NOS1AP: variants seen among roughly 807,000 people sequenced by gnomAD.
The protein encoded by NOS1AP is nitric oxide synthase 1 adaptor protein.
Under a neutral mutation model 56.2 loss-of-function variants are expected in NOS1AP, and 21 were observed. The observed-to-expected ratio is 0.37, with a 90% confidence interval of 0.26 to 0.54. The LOEUF is 0.54. NOS1AP is among the 20% of genes least tolerant of loss of function. NOS1AP has a pLI of 0.84. For synonymous variants in NOS1AP, 270 were observed against 274.6 expected, an observed-to-expected ratio of 0.98 and a Z score of 0.17; for missense variants, 522 against 657.8, an observed-to-expected ratio of 0.79 and a Z score of 2.26.
At position 162,364,168 on chromosome 1, in the gene NOS1AP, G is replaced by T. The variant is rs147669032; in HGVS notation, c.940-1236G>T. The stretch of plus-strand genomic sequence containing the variant: ...AGAAATTTGAGCACTTGTTTTCTGA[G>T]CAAGGGAATCAGCTAATGCTTTTGA... On this transcript the variant is annotated intron_variant, in intron 8 of 9. Coordinates refer to ENST00000361897, the MANE Select transcript of NOS1AP (RefSeq NM_014697.3). The T allele has an allele frequency of 8.1e-6, 8 of 985,460 alleles. No homozygotes were observed. In the East Asian group the frequency reaches 9.1e-4, roughly 112 times the overall value. 61.0% of individuals were successfully genotyped at this position (985,460 alleles called of 1,614,324 possible). A position where few individuals can be genotyped will look rare whatever the true frequency, so the allele number is the denominator to read the frequency against.
intron 2 of NOS1AP, among the ~76,000 whole-genome samples, chr1:162,235,389 T>C (rs905958663): frequency 6.6e-6 from 1 of 152,220 alleles, no homozygotes; most frequent in African/African-American, 2.4e-5. Flanking sequence ...GGCGCTGGTA[T>C]TGGCTCTTGG....
chr1:162,126,075 C>T (rs2102057764), intron 1 of NOS1AP, among the ~76,000 whole-genome samples: 1 of 152,168 alleles, frequency 6.6e-6, no homozygotes, highest in East Asian at 1.9e-4. Flanking sequence ...ATTTGATTCT[C>T]AGCTTGGCAG....
intron 2 of NOS1AP, among the ~76,000 whole-genome samples, chr1:162,192,965 T>C (rs1651691125): frequency 6.6e-6 from 1 of 152,128 alleles, no homozygotes; most frequent in South Asian, 2.1e-4. Context: ...CAGGCCACTT[T>C]GACCCCTGGT....
chr1:162,240,754 A>G (rs1653465720), intron 2 of NOS1AP, among the ~76,000 whole-genome samples: 1 of 152,252 alleles, frequency 6.6e-6, no homozygotes, highest in Non-Finnish European at 1.5e-5. Context: ...CCATTCATGT[A>G]TTCAACAAAT....
intron 1 of NOS1AP, among the ~76,000 whole-genome samples, chr1:162,140,927 G>A (rs1340343524): frequency 1.6e-4 from 24 of 152,116 alleles, no homozygotes; most frequent in Admixed American, 1.4e-3. Context: ...TTGGCCTTGT[G>A]TATGTCTTCT....
intron 2 of NOS1AP, among the ~76,000 whole-genome samples, chr1:162,228,135 A>G (rs1653002509): frequency 1.3e-5 from 2 of 152,228 alleles, no homozygotes; most frequent in African/African-American, 2.4e-5. Context: ...AGAAGTGAGG[A>G]AGCACGGAGA....
intron 2 of NOS1AP, among the ~76,000 whole-genome samples, chr1:162,240,284 T>TG (rs1553198216): frequency 6.6e-6 from 1 of 151,036 alleles, no homozygotes; most frequent in African/African-American, 2.4e-5. Context: ...TGTGTGTGTG[T>TG]TGAGGCATGC....
At chr1:162,297,376 G>A (rs549680795) in intron 3 of NOS1AP, among the ~76,000 whole-genome samples, 2 of 152,328 alleles carry the variant, frequency 1.3e-5, no homozygotes, top group Admixed American at 6.5e-5. Context: ...AAGTGTTTAT[G>A]CCACCGCAGC....
At chr1:162,365,597 T>C (rs948383796) in intron 9 of NOS1AP, 28 bp downstream of exon 9, 18 of 1,605,130 alleles carry the variant, frequency 1.1e-5, no homozygotes, top group Non-Finnish European at 1.4e-5. Context: ...CCAGCCCTGC[T>C]TCCTCTGTGA....
In NOS1AP at chr1:162,069,877, C is replaced by G. The variant is rs1013010973; in HGVS notation, c.-301C>G. 1 of 167,730 alleles carries G rather than the reference C, an allele frequency of 6.0e-6. No homozygotes were observed. The highest frequency in any genetic ancestry group is 1.3e-5 in the Non-Finnish European group (1 of 78,460). The allele number at this position is 167,730 out of a possible 1,614,324, so 10.4% of individuals were successfully genotyped here. A position where few individuals can be genotyped will look rare whatever the true frequency, so the allele number is the denominator to read the frequency against. Reference sequence around the variant, plus strand: ...GCCGCAAGCCCCACCGCTCCCCTCCCCGGGCAGGGGCGCCGCGCAGCCCGC... The same window carrying G: ...GCCGCAAGCCCCACCGCTCCCCTCCGCGGGCAGGGGCGCCGCGCAGCCCGC... On this transcript the variant is annotated 5_prime_UTR_variant, in exon 1 of 10. Transcript: ENST00000361897.
At chr1:162,095,179 C>T (rs1692211653) in intron 1 of NOS1AP, among the ~76,000 whole-genome samples, 2 of 152,092 alleles carry the variant, frequency 1.3e-5, no homozygotes, top group Admixed American at 1.3e-4. Context: ...TGTGTCCTCC[C>T]CGAATTTTTG....
intron 1 of NOS1AP, among the ~76,000 whole-genome samples, chr1:162,097,422 TTTTA>T (rs1252148815): frequency 6.6e-6 from 1 of 152,324 alleles, no homozygotes; most frequent in East Asian, 1.9e-4. Flanking sequence ...TATCTTTCCT[TTTTA>T]TTTGTGTTTT....
At chr1:162,344,421 G>T (rs544613801) in intron 6 of NOS1AP, among the ~76,000 whole-genome samples, 22 of 151,360 alleles carry the variant, frequency 1.5e-4, no homozygotes, top group Non-Finnish European at 2.2e-4. Flanking sequence ...GAGGCCGGGC[G>T]CAGTGTCTCA....
intron 1 of NOS1AP, among the ~76,000 whole-genome samples, chr1:162,123,956 A>T (rs990418906): frequency 2.6e-5 from 4 of 152,218 alleles, no homozygotes; most frequent in Non-Finnish European, 2.9e-5. Context: ...CAATACCATT[A>T]TCTTCTCTAC....
At chr1:162,301,093 C>T (rs1291520165) in intron 4 of NOS1AP, among the ~76,000 whole-genome samples, 2 of 152,208 alleles carry the variant, frequency 1.3e-5, no homozygotes, top group Non-Finnish European at 2.9e-5. Context: ...TCTTCCACCT[C>T]TCTACCCCTT....
At chr1:162,191,311 C>G (rs1232408500) in intron 2 of NOS1AP, among the ~76,000 whole-genome samples, 2 of 152,202 alleles carry the variant, frequency 1.3e-5, no homozygotes, top group Non-Finnish European at 2.9e-5. Flanking sequence ...CCACTTGCTT[C>G]TTTCCTGGGG....
At chr1:162,209,192 A>G (rs111479527) in intron 2 of NOS1AP, among the ~76,000 whole-genome samples, 3,780 of 152,268 alleles carry the variant, frequency 0.025, 67 homozygotes, top group Non-Finnish European at 0.039. Context: ...ATGTTTCCCA[A>G]TTTGCTGGGG....
At chr1:162,155,711 G>C (rs1274490607) in intron 2 of NOS1AP, among the ~76,000 whole-genome samples, 1 of 152,138 alleles carries the variant, frequency 6.6e-6, no homozygotes, top group Admixed American at 6.5e-5. Context: ...ATTCTCTTCT[G>C]ATACCTGTGA....
chr1:162,341,010 A>G (rs1157035104), intron 5 of NOS1AP, among the ~76,000 whole-genome samples: 3 of 152,072 alleles, frequency 2.0e-5, no homozygotes, highest in Admixed American at 2.0e-4. Context: ...CCCATCATCC[A>G]TTGTCATCTT....
Sources: allele counts gnomAD v4.1 joint callset (sites outside exome capture counted in the v4.1 genomes callset), GRCh38; gene constraint gnomAD v4.1.1; transcripts MANE v1.5; gene names NCBI Gene and HGNC (gene_info 2026-07-23, HGNC 2026-07-21).